Variants in GALNT13 observed in about 807,000 individuals in gnomAD.
The protein encoded by GALNT13 is polypeptide N-acetylgalactosaminyltransferase 13.
A neutral mutation model predicts 64.2 loss-of-function variants in GALNT13; 28 were observed. That is an observed-to-expected ratio of 0.44 (90% CI 0.32 to 0.60). GALNT13 has a LOEUF of 0.60. Among genes scored for constraint, GALNT13 ranks in the 20% least tolerant of loss-of-function variants. The pLI is 0.05. For missense variants in GALNT13, 577 were observed against 669.8 expected (o/e 0.86, Z 1.53); for synonymous variants, 214 against 224.6 (o/e 0.95, Z 0.42).
At chr2:153,338,934 C>T in the GALNT13 span, among the ~76,000 whole-genome samples, 4 of 152,174 alleles carry the variant, frequency 2.6e-5, no homozygotes, top group Non-Finnish European at 5.9e-5. Flanking sequence ...CCAAGTTCAT[C>T]CACGTGAACT....
intron 2 of GALNT13, among the ~76,000 whole-genome samples, chr2:153,905,542 T>G (rs549159076): frequency 1.3e-5 from 2 of 152,100 alleles, no homozygotes; most frequent in African/African-American, 4.8e-5. Flanking sequence ...GTACTGTACT[T>G]AACCTGCTTC....
the GALNT13 span, among the ~76,000 whole-genome samples, chr2:153,393,946 C>G: frequency 2.3e-5 from 3 of 131,880 alleles, no homozygotes; most frequent in Admixed American, 7.7e-5. Flanking sequence ...GTCTCTCTGT[C>G]TACACACACA....
intron 6 of GALNT13, among the ~76,000 whole-genome samples, chr2:154,245,357 A>G (rs1689725735): frequency 6.6e-6 from 1 of 152,046 alleles, no homozygotes; most frequent in African/African-American, 2.4e-5. Flanking sequence ...TGTTTTCTCC[A>G]TGAAGATGTT....
chr2:154,375,854 A>G (rs886202435), intron 9 of GALNT13, among the ~76,000 whole-genome samples: 7 of 152,312 alleles, frequency 4.6e-5, no homozygotes, highest in Middle Eastern at 3.4e-3. Context: ...TCTACTGGAT[A>G]CTTTGAGTAA....
the GALNT13 span, among the ~76,000 whole-genome samples, chr2:153,571,548 A>G: frequency 6.6e-6 from 1 of 152,068 alleles, no homozygotes; most frequent in African/African-American, 2.4e-5. Flanking sequence ...AAAGGCTTTC[A>G]GGTTTTCCCC....
chr2:154,405,884 C>T (rs554966243), intron 10 of GALNT13, among the ~76,000 whole-genome samples: 1 of 151,840 alleles, frequency 6.6e-6, no homozygotes, highest in South Asian at 2.1e-4. Flanking sequence ...AGTTTGGCTT[C>T]GAGGGAAATA....
intron 9 of GALNT13, among the ~76,000 whole-genome samples, chr2:154,388,912 A>G (rs1298711855): frequency 4.6e-5 from 7 of 152,162 alleles, no homozygotes; most frequent in Non-Finnish European, 1.0e-4. Context: ...TTTATAATCA[A>G]CTGCATAGTT....
chr2:154,344,188 T>G (rs1231798537), intron 9 of GALNT13, among the ~76,000 whole-genome samples: 1 of 152,034 alleles, frequency 6.6e-6, no homozygotes, highest in Admixed American at 6.6e-5. Context: ...AAAGACTGTT[T>G]GCAAATTGCA....
chr2:153,649,929 A>C, the GALNT13 span, among the ~76,000 whole-genome samples: 1 of 152,206 alleles, frequency 6.6e-6, no homozygotes, highest in East Asian at 1.9e-4. Flanking sequence ...TGTTGAAAAG[A>C]ATGTATATTC....
chr2:153,643,031 C>T, the GALNT13 span, among the ~76,000 whole-genome samples: 1 of 151,392 alleles, frequency 6.6e-6, no homozygotes, highest in Admixed American at 6.6e-5. Context: ...TTAATATAAT[C>T]TGTGAGGTGT....
the GALNT13 span, among the ~76,000 whole-genome samples, chr2:153,150,905 A>G: frequency 5.3e-5 from 8 of 151,986 alleles, no homozygotes; most frequent in East Asian, 7.7e-4. Flanking sequence ...GTCAGGTAGC[A>G]TGATGCCTCC....
At chr2:153,572,453 G>A in the GALNT13 span, among the ~76,000 whole-genome samples, 2 of 150,430 alleles carry the variant, frequency 1.3e-5, no homozygotes, top group African/African-American at 4.9e-5. Flanking sequence ...TTTCTGCCCT[G>A]GTCTTTATTA....
At chr2:154,300,385 G>T (rs1693372217) in intron 8 of GALNT13, among the ~76,000 whole-genome samples, 1 of 151,896 alleles carries the variant, frequency 6.6e-6, no homozygotes, top group Non-Finnish European at 1.5e-5. Context: ...TTACAAGTGT[G>T]AGCCACCGCA....
chr2:153,437,953 G>A, the GALNT13 span, among the ~76,000 whole-genome samples: 1 of 152,222 alleles, frequency 6.6e-6, no homozygotes, highest in Non-Finnish European at 1.5e-5. Flanking sequence ...TGTTTTTGCA[G>A]TGGCTGGTAG....
the GALNT13 span, among the ~76,000 whole-genome samples, chr2:153,274,337 T>C: frequency 3.8e-4 from 58 of 152,254 alleles, no homozygotes; most frequent in East Asian, 2.9e-3. Flanking sequence ...GTAGTGAAAA[T>C]CTAGAAATAG....
the GALNT13 span, among the ~76,000 whole-genome samples, chr2:153,529,963 G>T: frequency 6.6e-6 from 1 of 151,886 alleles, no homozygotes; most frequent in Non-Finnish European, 1.5e-5. Flanking sequence ...AAACAAAAAG[G>T]CTTTACTCTA....
chr2:153,196,159 T>A, the GALNT13 span, among the ~76,000 whole-genome samples: 1 of 152,142 alleles, frequency 6.6e-6, no homozygotes, highest in African/African-American at 2.4e-5. Context: ...TTCTTGGGAC[T>A]AGCAGCGCAA....
chr2:153,858,482 T>C, the GALNT13 span, among the ~76,000 whole-genome samples: 1 of 152,148 alleles, frequency 6.6e-6, no homozygotes, highest in Non-Finnish European at 1.5e-5. Context: ...TTGGTTTCAG[T>C]TGCACATGCT....
the GALNT13 span, among the ~76,000 whole-genome samples, chr2:153,409,390 A>ATC: frequency 7.3e-5 from 11 of 150,146 alleles, no homozygotes; most frequent in African/African-American, 1.7e-4. Flanking sequence ...ATATATATAT[A>ATC]TCTCCTAGTA....
Sources: allele counts gnomAD v4.1 joint callset (sites outside exome capture counted in the v4.1 genomes callset), GRCh38; gene constraint gnomAD v4.1.1; transcripts MANE v1.5; gene names NCBI Gene and HGNC (gene_info 2026-07-23, HGNC 2026-07-21).